The following CABIN1 variants were observed in gnomAD, a reference collection of about 807,000 sequenced individuals.
CABIN1 encodes the protein calcineurin-binding protein cabin-1.
Under a neutral mutation model 227.7 loss-of-function variants are expected in CABIN1, and 133 were observed. That is an observed-to-expected ratio of 0.58 (90% CI 0.51 to 0.67). CABIN1 has a LOEUF of 0.67. Ranked by LOEUF, CABIN1 falls within the 30% of genes least tolerant of loss-of-function variation. CABIN1 has a pLI of 0.00. For synonymous variants in CABIN1, 1,086 were observed against 1,155.1 expected (o/e 0.94, Z 1.21); for missense variants, 2,408 against 2,852.5 (o/e 0.84, Z 3.55).
At chr22:24,161,902 T>G (rs944230934) in intron 29 of CABIN1, among the ~76,000 whole-genome samples, 2 of 152,212 alleles carry the variant, frequency 1.3e-5, no homozygotes, top group African/African-American at 2.4e-5. Context: ...CTCAGCACCT[T>G]GGTTCTCTAG....
chr22:24,123,787 G>C (rs972401021), intron 28 of CABIN1, among the ~76,000 whole-genome samples: 5 of 152,242 alleles, frequency 3.3e-5, no homozygotes, highest in Admixed American at 1.3e-4. Flanking sequence ...TTCCCGCTGT[G>C]TATATTTGAC....
At chr22:24,015,599 C>T (rs1390643310) in intron 1 of CABIN1, among the ~76,000 whole-genome samples, 1 of 151,798 alleles carries the variant, frequency 6.6e-6, no homozygotes, top group East Asian at 2.0e-4. Context: ...CCGCCTCAGC[C>T]TCCCAAAGTG....
intron 1 of CABIN1, 101 bp downstream of exon 1, chr22:24,011,468 G>C (rs1240677033): frequency 6.6e-6 from 1 of 152,434 alleles, no homozygotes; most frequent in Non-Finnish European, 1.5e-5. Flanking sequence ...GCGAGGCTGG[G>C]TTACGTGAGG....
At chr22:24,056,060 A>G in intron 9 of CABIN1, 132 bp from the exon 10 acceptor site, 2 of 766,736 alleles carry the variant, frequency 2.6e-6, no homozygotes, top group Non-Finnish European at 4.4e-6. Context: ...TGAAGAAGAG[A>G]TGGAAGATTT....
chr22:24,053,626 G>A (rs1305689033), intron 8 of CABIN1, among the ~76,000 whole-genome samples: 9 of 152,090 alleles, frequency 5.9e-5, no homozygotes, highest in Non-Finnish European at 1.2e-4. Context: ...TGATCTACCC[G>A]CCTCGGCCTC....
chr22:24,055,217 G>A lies in CABIN1; in HGVS notation c.1093+58G>A, dbSNP rs1351047892. The A allele has an allele frequency of 2.5e-6, 4 of 1,572,658 alleles. No homozygotes were observed. In the African/African-American group the frequency reaches 4.0e-5, roughly 16 times the overall value. ...AGACCCCGTTCACTGAGCCCAGCAG[G>A]AATGAGACTGCTGGGGAGCCCTGCC... On this transcript the variant is annotated intron_variant, in intron 9 of 36. Transcript: ENST00000263119.
At chr22:24,019,409 CGTGA>C (rs2035549145) in intron 1 of CABIN1, among the ~76,000 whole-genome samples, 1 of 151,458 alleles carries the variant, frequency 6.6e-6, no homozygotes, top group East Asian at 1.9e-4. Flanking sequence ...GGATTACAGG[CGTGA>C]GCCTGTAATT....
At chr22:24,066,048 G>GA (rs2039653762) in intron 15 of CABIN1, among the ~76,000 whole-genome samples, 1 of 150,490 alleles carries the variant, frequency 6.6e-6, no homozygotes, top group Non-Finnish European at 1.5e-5. Flanking sequence ...ACCGTAGGGA[G>GA]AGGGAGAGGG....
intron 26 of CABIN1, among the ~76,000 whole-genome samples, chr22:24,098,685 C>T (rs2042038087): frequency 6.6e-6 from 1 of 152,146 alleles, no homozygotes; most frequent in South Asian, 2.1e-4. Context: ...ATGGGGGTCA[C>T]CTGGGACCAT....
intron 8 of CABIN1, among the ~76,000 whole-genome samples, chr22:24,052,465 T>C (rs2038412565): frequency 3.4e-5 from 1 of 29,442 alleles, no homozygotes; most frequent in South Asian, 1.8e-3. Context: ...TTCTTCTTTT[T>C]CTTTCTTTTT....
intron 8 of CABIN1, among the ~76,000 whole-genome samples, chr22:24,051,372 C>G (rs2038321288): frequency 6.6e-6 from 1 of 152,060 alleles, no homozygotes; most frequent in East Asian, 1.9e-4. Flanking sequence ...GGCTTCTCCG[C>G]TCTCAAGTCC....
At chr22:24,122,822 C>CTG (rs148365632) in intron 28 of CABIN1, among the ~76,000 whole-genome samples, 2,464 of 152,302 alleles carry the variant, frequency 0.016, 81 homozygotes, top group African/African-American at 0.057. Flanking sequence ...GATGCCCTAC[C>CTG]TGTATTTCTT....
rs117308264 is a variant in CABIN1, at chr22:24,155,335, C to T, written c.4747-9065C>T. ...GCCGGAGAGCGACCCTCCCTGAGCT[C>T]TGCAAAGCTGCTCATGTCCTGGGGA... On this transcript the variant is annotated intron_variant, in intron 29 of 36. Transcript: ENST00000263119. Among the ~76,000 whole-genome samples the T allele has an allele frequency of 6.2e-4, 95 of 152,250 alleles. 1 individual carries two copies. In the East Asian group the frequency reaches 0.016, roughly 25 times the overall value.
intron 29 of CABIN1, among the ~76,000 whole-genome samples, chr22:24,145,428 C>T (rs1031039453): frequency 1.3e-5 from 2 of 152,244 alleles, no homozygotes; most frequent in Non-Finnish European, 1.5e-5. Flanking sequence ...GTCCCTGCCT[C>T]GCAAATTAAG....
intron 27 of CABIN1, among the ~76,000 whole-genome samples, chr22:24,118,550 A>C (rs758794190): frequency 7.2e-5 from 11 of 152,160 alleles, no homozygotes; most frequent in Non-Finnish European, 1.6e-4. Context: ...TCCTCCAGGC[A>C]GGCTGTGCAG....
intron 18 of CABIN1, among the ~76,000 whole-genome samples, chr22:24,074,631 A>G (rs2040315893): frequency 6.6e-6 from 1 of 152,182 alleles, no homozygotes; most frequent in Non-Finnish European, 1.5e-5. Flanking sequence ...TTGGGTGGTG[A>G]GGGGCCTGGT....
chr22:24,115,448 G>C (rs916518560), intron 27 of CABIN1, among the ~76,000 whole-genome samples: 11 of 152,202 alleles, frequency 7.2e-5, no homozygotes, highest in African/African-American at 2.7e-4. Context: ...TAGCTGATAA[G>C]CATGAAATGA....
intron 27 of CABIN1, among the ~76,000 whole-genome samples, chr22:24,117,030 G>C (rs1236215964): frequency 6.6e-6 from 1 of 152,200 alleles, no homozygotes; most frequent in South Asian, 2.1e-4. Flanking sequence ...GCCGGGAAAC[G>C]TGGTGTAGTC....
At chr22:24,113,809 A>G in intron 27 of CABIN1, 61 bp downstream of exon 27, 1 of 1,586,724 alleles carries the variant, frequency 6.3e-7, no homozygotes, top group Non-Finnish European at 8.6e-7. Context: ...ATCTGGGCAA[A>G]GCCGAAGGCT....
Sources: gnomAD v4.1 joint callset for allele counts (sites outside exome capture counted in the v4.1 genomes callset) on GRCh38, gnomAD v4.1.1 for gene constraint, MANE v1.5 for transcripts, NCBI Gene and HGNC (gene_info 2026-07-23, HGNC 2026-07-21) for gene names.